The following EFR3B variants were observed in gnomAD, a reference collection of about 807,000 sequenced individuals.
EFR3B encodes the protein EFR3 homolog B.
EFR3B carries 64 observed loss-of-function variants against 104.7 expected under a neutral mutation model. The ratio of observed to expected loss-of-function variants is 0.61; its 90% CI spans 0.50 to 0.75. The LOEUF is 0.75. EFR3B is among the 30% of genes least tolerant of loss of function. The pLI is 0.00. For missense variants in EFR3B, 750 were observed against 1,078.5 expected (o/e 0.70, Z 4.27); for synonymous variants, 385 against 417.9 (o/e 0.92, Z 0.96).
rs869026900 is a variant in EFR3B, at chr2:25,118,726, CAAAAAAAAAAA to C, written c.364-2925_364-2915del. Among the ~76,000 whole-genome samples the C allele has an allele frequency of 6.3e-3, 211 of 33,520 alleles. No homozygotes were observed. The South Asian group carries it at 0.072, about 12-fold the overall frequency. The allele number at this position is 33,520 out of a possible 152,430, so 22.0% of individuals were successfully genotyped here. A position where few individuals can be genotyped will look rare whatever the true frequency, so the allele number is the denominator to read the frequency against. ...ACAACACAATGAGACCCTGTCTCTA[CAAAAAAAAAAA>C]AAAAAAAAAAAAAAAAAAAAAGGCA... On this transcript the variant is annotated intron_variant, in intron 4 of 22. Transcript: ENST00000403714.
At chr2:25,074,673 C>T (rs1292677209) in intron 1 of EFR3B, among the ~76,000 whole-genome samples, 6 of 149,508 alleles carry the variant, frequency 4.0e-5, no homozygotes, top group Non-Finnish European at 4.4e-5. Flanking sequence ...GCTGGAGTAC[C>T]GTGGCGTGAT....
In EFR3B at chr2:25,131,463, C is replaced by G; in HGVS notation, c.945C>G (p.Val315=). The stretch of plus-strand genomic sequence containing the variant: ...CGGTGCGCGCGGGCATCGTGGAAGT[C>G]TTGTCGGAAGCCGCGGTCATCGCTG... The part of the protein sequence containing the change: ...AATVRAGIVE[V]LSEAAVIAAT... Residue 315 remains valine, a synonymous_variant, in exon 9 of 23, where the codon GTC becomes GTG. Transcript: ENST00000403714. The surrounding 1 kb of genome is among the most constrained non-coding windows in gnomAD (Gnocchi z 7.6). 1.9e-6 allele frequency: 3 copies of G among 1,550,570 alleles called. No homozygotes were observed. Among genetic ancestry groups the G allele is most frequent in the Non-Finnish European group, 2.6e-6 (3 of 1,146,864 alleles).
Position 25,154,508 on chromosome 2 carries a change from C to T in EFR3B, c.*168C>T. The T allele has an allele frequency of 1.7e-6, 1 of 598,174 alleles. No homozygotes were observed. The highest frequency in any genetic ancestry group is 3.0e-5 in the Admixed American group (1 of 33,136). 37.1% of individuals were successfully genotyped at this position (598,174 alleles called of 1,614,324 possible). A position where few individuals can be genotyped will look rare whatever the true frequency, so the allele number is the denominator to read the frequency against. On this transcript the variant is annotated 3_prime_UTR_variant, in exon 23 of 23. Coordinates refer to ENST00000403714, the MANE Select transcript of EFR3B (RefSeq NM_014971.2). This position sits in a 1 kb window ranked among gnomAD's most constrained non-coding sequence, Gnocchi z 4.1. ...GGAGACTCTCTGGTCCTTCTTGGCC[C>T]TCCTACCTCCTCCTCGTCTTCCCTG... is the stretch of plus-strand genomic sequence containing the variant.
Position 25,099,957 on chromosome 2 carries a change from A to G in EFR3B, c.213-3680A>G, listed in dbSNP as rs142100381. Among the ~76,000 whole-genome samples the G allele has an allele frequency of 4.6e-3, 699 of 152,132 alleles. 10 individuals are homozygous for G. Among genetic ancestry groups the G allele is most frequent in the African/African-American group, 0.016 (675 of 41,526 alleles). On this transcript the variant is annotated intron_variant, in intron 3 of 22. Transcript: ENST00000403714. ...GTGGCTCACACCTGTAACCCGAGCA[A>G]TTTGGGAGGCCGAGGTGGGTGGGTC...
At chr2:25,058,777 A>G (rs971275309) in intron 1 of EFR3B, among the ~76,000 whole-genome samples, 4 of 103,212 alleles carry the variant, frequency 3.9e-5, no homozygotes, top group African/African-American at 1.5e-4. Context: ...CCCCCCCCCA[A>G]AAAAAAAAAC....
chr2:25,086,129 T>G (rs1208718245), intron 1 of EFR3B, among the ~76,000 whole-genome samples: 1 of 152,218 alleles, frequency 6.6e-6, no homozygotes, highest in Admixed American at 6.5e-5. Flanking sequence ...CTGGATAATA[T>G]TCCGTTGTCT....
chr2:25,082,423 A>G (rs1218564144), intron 1 of EFR3B, among the ~76,000 whole-genome samples: 1 of 152,182 alleles, frequency 6.6e-6, no homozygotes, highest in African/African-American at 2.4e-5. Flanking sequence ...GCCTGACCTC[A>G]GGAGCTACAG....
rs11892647 is a variant in EFR3B at position 25,156,150 on chromosome 2, C to T, written c.*1810C>T. 0.34 allele frequency: 50,924 copies of T among 151,940 alleles called. 8,830 individuals are homozygous for T. Among genetic ancestry groups the T allele is most frequent in the African/African-American group, 0.39 (16,236 of 41,418 alleles). The allele number at this position is 151,940 out of a possible 1,614,324, so 9.4% of individuals were successfully genotyped here. ...TCCAGAATCGGGGAGGGACTGAACA[C>T]GAGCATTTCCCATTAATATGTGCAA... is the stretch of plus-strand genomic sequence containing the variant. On this transcript the variant is annotated 3_prime_UTR_variant, in exon 23 of 23. Transcript: ENST00000403714.
chr2:25,117,595 T>C (rs1316029930), intron 4 of EFR3B, among the ~76,000 whole-genome samples: 4 of 152,134 alleles, frequency 2.6e-5, no homozygotes, highest in African/African-American at 4.8e-5. Flanking sequence ...GTATTTTTAG[T>C]GGAGATGGGG....
intron 1 of EFR3B, among the ~76,000 whole-genome samples, chr2:25,063,199 C>T (rs1382749504): frequency 1.3e-5 from 2 of 152,070 alleles, no homozygotes; most frequent in Admixed American, 6.6e-5. Context: ...CTCAGCCTCC[C>T]GAAGTGCTGG....
At chr2:25,128,417 G>A (rs1670225430) in intron 6 of EFR3B, 85 bp downstream of exon 6, 1 of 1,505,920 alleles carries the variant, frequency 6.6e-7, no homozygotes, top group South Asian at 1.2e-5. Context: ...GGGTTGGTCA[G>A]TAAAACTCAG....
At chr2:25,088,217 G>A (rs1419602303) in intron 1 of EFR3B, among the ~76,000 whole-genome samples, 2 of 152,104 alleles carry the variant, frequency 1.3e-5, no homozygotes, top group African/African-American at 4.8e-5. Flanking sequence ...CCATTCTGTT[G>A]TGTGAGCTCA....
At chr2:25,087,206 C>T (rs552573638) in intron 1 of EFR3B, among the ~76,000 whole-genome samples, 1 of 152,126 alleles carries the variant, frequency 6.6e-6, no homozygotes, top group African/African-American at 2.4e-5. Context: ...GTAACTGTCC[C>T]CATGATTAAA....
Position 25,131,222 on chromosome 2 carries a change from G to T in EFR3B, c.850-146G>T. On this transcript the variant is annotated intron_variant, in intron 8 of 22. Transcript: ENST00000403714. This position sits in a 1 kb window ranked among gnomAD's most constrained non-coding sequence, Gnocchi z 7.6. ...GGAGAAGGGAAGGATCCAGTAAAGG[G>T]CACGAGGTGTCAGTGCCAACTGCAG... 9.2e-7 allele frequency: 1 copy of T among 1,090,590 alleles called. No individual in the cohort carries two copies. The highest frequency in any genetic ancestry group is 1.3e-6 in the Non-Finnish European group (1 of 779,626). The allele number at this position is 1,090,590 out of a possible 1,614,324, so 67.6% of individuals were successfully genotyped here.
chr2:25,109,463 G>A (rs1669659728), intron 4 of EFR3B, among the ~76,000 whole-genome samples: 1 of 152,206 alleles, frequency 6.6e-6, no homozygotes, highest in South Asian at 2.1e-4. Flanking sequence ...AAATAGTTTG[G>A]TGCTTCCTCA....
rs1267725839 is a variant in EFR3B, at chr2:25,131,662, G to A, written c.986-88G>A. ...CGCAGAGGAAGCCCAGGCTGGAAGGGGGCGTGACCCTGCCCTGCCTGCGCG... is the reference window on the plus strand; with the variant it reads ...CGCAGAGGAAGCCCAGGCTGGAAGGAGGCGTGACCCTGCCCTGCCTGCGCG... On this transcript the variant is annotated intron_variant, in intron 9 of 22. Coordinates refer to ENST00000403714, the MANE Select transcript of EFR3B (RefSeq NM_014971.2). This position sits in a 1 kb window ranked among gnomAD's most constrained non-coding sequence, Gnocchi z 7.6. 4 of 1,483,490 alleles carry A rather than the reference G, an allele frequency of 2.7e-6. No homozygotes were observed. The highest frequency in any genetic ancestry group is 3.6e-6 in the Non-Finnish European group (4 of 1,110,692). The allele number at this position is 1,483,490 out of a possible 1,614,324, so 91.9% of individuals were successfully genotyped here.
intron 4 of EFR3B, among the ~76,000 whole-genome samples, chr2:25,117,482 G>T (rs886266851): frequency 6.8e-6 from 1 of 147,856 alleles, no homozygotes; most frequent in Non-Finnish European, 1.5e-5. Context: ...GTGCAATCTC[G>T]GCTCACTGCA....
At chr2:25,105,843 A>G (rs1669547304) in intron 4 of EFR3B, among the ~76,000 whole-genome samples, 1 of 152,222 alleles carries the variant, frequency 6.6e-6, no homozygotes, top group Non-Finnish European at 1.5e-5. Flanking sequence ...TCTGTCAGCT[A>G]CAGCATGAAA....
intron 4 of EFR3B, among the ~76,000 whole-genome samples, chr2:25,107,958 C>T (rs1434817050): frequency 2.6e-5 from 4 of 151,994 alleles, no homozygotes; most frequent in African/African-American, 4.8e-5. Context: ...CTCAGCCTCC[C>T]GAATAGCTGG....
Sources: allele counts gnomAD v4.1 joint callset (sites outside exome capture counted in the v4.1 genomes callset), GRCh38; gene constraint gnomAD v4.1.1; non-coding constraint Gnocchi (gnomAD v3.1); transcripts MANE v1.5; gene names NCBI Gene and HGNC (gene_info 2026-07-23, HGNC 2026-07-21).